KCNT2: variants seen among roughly 807,000 people sequenced by gnomAD.
KCNT2 encodes potassium sodium-activated channel subfamily T member 2.
A neutral mutation model predicts 153.8 loss-of-function variants in KCNT2; 67 were observed. The ratio of observed to expected loss-of-function variants is 0.44; its 90% confidence interval spans 0.36 to 0.53. The LOEUF (loss-of-function observed/expected upper bound fraction) is 0.53. Ranked by LOEUF, KCNT2 falls within the 20% of genes least tolerant of loss-of-function variation. The pLI is 0.00. For synonymous variants in KCNT2, 500 were observed against 458.8 expected, an observed-to-expected ratio of 1.09 and a Z score of -1.15; for missense variants, 975 against 1,354.8, an observed-to-expected ratio of 0.72 and a Z score of 4.40.
chr1:196,386,950 C>T lies in KCNT2; in HGVS notation c.1294+11613G>A, dbSNP rs1334982044. Among the ~76,000 whole-genome samples, 3 of 151,944 alleles carry T rather than the reference C, an allele frequency of 2.0e-5. No individual in the cohort carries two copies. The East Asian group carries it at 5.8e-4, about 29-fold the overall frequency. ...TTTATATATATTTCACTAACAGTAA[C>T]TGATATTTTACTTCATGTAAACACA... is the stretch of plus-strand genomic sequence containing the variant. On this transcript the variant is annotated intron_variant, in intron 13 of 27. Coordinates refer to ENST00000294725, the MANE Select transcript of KCNT2 (RefSeq NM_198503.5).
At chr1:196,344,475 G>A (rs112711376) in intron 14 of KCNT2, among the ~76,000 whole-genome samples, 1 of 151,998 alleles carries the variant, frequency 6.6e-6, no homozygotes, top group Non-Finnish European at 1.5e-5. Context: ...TGGAAAAAAC[G>A]TTCCCTTTGG....
At chr1:196,275,336 G>C (rs1330694841) in intron 25 of KCNT2, among the ~76,000 whole-genome samples, 2 of 151,820 alleles carry the variant, frequency 1.3e-5, no homozygotes, top group Admixed American at 1.3e-4. Flanking sequence ...TTATGAATGG[G>C]CAGTTCCATC....
intron 4 of KCNT2, among the ~76,000 whole-genome samples, chr1:196,480,575 G>T (rs942544748): frequency 2.0e-5 from 3 of 151,962 alleles, no homozygotes; most frequent in African/African-American, 7.3e-5. Context: ...ATGAACATCG[G>T]CCAGGCGCAG....
intron 1 of KCNT2, among the ~76,000 whole-genome samples, chr1:196,513,294 A>G (rs1489394409): frequency 6.6e-6 from 1 of 152,182 alleles, no homozygotes; most frequent in Non-Finnish European, 1.5e-5. Context: ...TGCAGTGGTT[A>G]CTTCTAACAC....
intron 13 of KCNT2, among the ~76,000 whole-genome samples, chr1:196,382,605 G>T (rs1422787678): frequency 2.6e-5 from 4 of 151,904 alleles, no homozygotes; most frequent in Non-Finnish European, 5.9e-5. Context: ...GAGGTAATTG[G>T]GCACTCAGCA....
At chr1:196,459,979 T>C (rs1677006853) in intron 8 of KCNT2, among the ~76,000 whole-genome samples, 1 of 151,794 alleles carries the variant, frequency 6.6e-6, no homozygotes, top group Admixed American at 6.6e-5. Context: ...GCCAGTGCCA[T>C]AGTTATTGTC....
intron 14 of KCNT2, among the ~76,000 whole-genome samples, chr1:196,363,611 G>A (rs982707469): frequency 9.9e-5 from 15 of 152,062 alleles, no homozygotes; most frequent in Non-Finnish European, 1.2e-4. Context: ...TGGAGAATGG[G>A]TTTGTTATAA....
chr1:196,403,760 T>A (rs182259684), intron 12 of KCNT2, among the ~76,000 whole-genome samples: 160 of 151,652 alleles, frequency 1.1e-3, no homozygotes, highest in Admixed American at 2.4e-3. Flanking sequence ...TTTATTTTTT[T>A]AAAAAGTAAG....
At chr1:196,275,639 A>G (rs940806000) in intron 25 of KCNT2, among the ~76,000 whole-genome samples, 4 of 151,988 alleles carry the variant, frequency 2.6e-5, no homozygotes, top group East Asian at 1.9e-4. Flanking sequence ...TCTACTCAGA[A>G]CATGGAAAGA....
intron 14 of KCNT2, among the ~76,000 whole-genome samples, chr1:196,344,825 A>C (rs922002797): frequency 2.6e-5 from 4 of 152,174 alleles, no homozygotes; most frequent in Admixed American, 6.6e-5. Context: ...TTATGCTGGC[A>C]CATTGCCCCT....
chr1:196,341,543 AAT>A (rs1199015461), intron 15 of KCNT2, among the ~76,000 whole-genome samples: 2 of 152,010 alleles, frequency 1.3e-5, no homozygotes, highest in Non-Finnish European at 2.9e-5. Context: ...TAATACAGAT[AAT>A]ATGTTATTTT....
In KCNT2 at chr1:196,285,652, T is replaced by C. The variant is rs1347967457; in HGVS notation, c.2697+5A>G. The C allele has an allele frequency of 1.3e-6, 2 of 1,553,804 alleles. No homozygotes were observed. The highest frequency in any genetic ancestry group is 1.8e-6 in the Non-Finnish European group (2 of 1,129,064). On this transcript the variant is annotated splice_donor_5th_base_variant and intron_variant, in intron 23 of 27. Coordinates refer to ENST00000294725, the MANE Select transcript of KCNT2 (RefSeq NM_198503.5). The stretch of plus-strand genomic sequence containing the variant: ...TTAGAGAAAATAAAAAGAAATATTG[T>C]ATACCTGATACAGCAGAGTGTCCAA...
At position 196,227,382 on chromosome 1, in the gene KCNT2, A is replaced by T. The variant is rs1189882946; in HGVS notation, c.*842T>A. Reference sequence around the variant, plus strand: ...AGAGTCTAAGGACAATCATTACTGTATATTTCAAGATATCCAGTTAATTTT... The same window carrying T: ...AGAGTCTAAGGACAATCATTACTGTTTATTTCAAGATATCCAGTTAATTTT... On this transcript the variant is annotated 3_prime_UTR_variant, in exon 28 of 28. Transcript: ENST00000294725. The T allele has an allele frequency of 1.3e-5, 2 of 152,074 alleles. No homozygotes were observed. Among genetic ancestry groups the T allele is most frequent in the African/African-American group, 2.4e-5 (1 of 41,464 alleles). 9.4% of individuals were successfully genotyped at this position (152,074 alleles called of 1,614,324 possible). A position where few individuals can be genotyped will look rare whatever the true frequency, so the allele number is the denominator to read the frequency against.
chr1:196,465,856 T>A (rs1395962602), intron 7 of KCNT2, among the ~76,000 whole-genome samples: 2 of 151,748 alleles, frequency 1.3e-5, no homozygotes, highest in Non-Finnish European at 2.9e-5. Flanking sequence ...GAAAAAAAAA[T>A]AAAATAGCCA....
intron 3 of KCNT2, among the ~76,000 whole-genome samples, chr1:196,485,077 A>G (rs1557995632): frequency 6.6e-6 from 1 of 152,100 alleles, no homozygotes; most frequent in South Asian, 2.1e-4. Context: ...ACTGGATAAA[A>G]AAATGTGGTA....
In KCNT2 at chr1:196,286,406, A is replaced by T. The variant is rs554718145; in HGVS notation, c.2596-648T>A. ...GACACCAAATCTCCCAGCACCTTGA[A>T]TGTGGAATTCCCAGCCTTCAGACAG... On this transcript the variant is annotated intron_variant, in intron 22 of 27. Transcript: ENST00000294725. Among the ~76,000 whole-genome samples, 6 of 152,184 alleles carry T rather than the reference A, an allele frequency of 3.9e-5. No homozygotes were observed. In the South Asian group the frequency reaches 1.2e-3, roughly 32 times the overall value.
rs1223766007 is a variant in KCNT2, at chr1:196,326,847, A to T, written c.2146T>A (p.Phe716Ile). 6.3e-7 allele frequency: 1 copy of T among 1,588,326 alleles called. No homozygotes were observed. Among genetic ancestry groups the T allele is most frequent in the Non-Finnish European group, 8.5e-7 (1 of 1,171,922 alleles). ...GCAACTATAATTAGTTTATTTTTGA[A>T]TCCATAGGCTTTTGCATCCTCATAG... ...NYYEDAKAYGFKNKLIIVAAE... is the reference protein window; with the variant it reads ...NYYEDAKAYGIKNKLIIVAAE... The change falls in exon 19 of 28, where the codon TTC becomes ATC. Residue 716 changes from phenylalanine to isoleucine, a missense_variant. Transcript: ENST00000294725.
At chr1:196,577,431 A>T (rs928739653) in intron 1 of KCNT2, among the ~76,000 whole-genome samples, 2 of 152,208 alleles carry the variant, frequency 1.3e-5, no homozygotes, top group Admixed American at 6.5e-5. Flanking sequence ...AGGCACAGAG[A>T]TGAGTGTCTG....
At chr1:196,267,538 CT>C (rs1657661506) in intron 25 of KCNT2, among the ~76,000 whole-genome samples, 1 of 152,154 alleles carries the variant, frequency 6.6e-6, no homozygotes, top group African/African-American at 2.4e-5. Flanking sequence ...ACAGAAGGCT[CT>C]AGAATCTCTC....
Sources: gnomAD v4.1 joint callset for allele counts (sites outside exome capture counted in the v4.1 genomes callset) on GRCh38, gnomAD v4.1.1 for gene constraint, MANE v1.5 for transcripts, NCBI Gene and HGNC (gene_info 2026-07-23, HGNC 2026-07-21) for gene names.